TLR6: variants seen among roughly 807,000 people sequenced by gnomAD.
TLR6 encodes toll-like receptor 6.
Under a neutral mutation model 16.1 loss-of-function variants are expected in TLR6, and 9 were observed. The ratio of observed to expected loss-of-function variants is 0.56; its 90% confidence interval spans 0.34 to 0.98. The LOEUF is 0.98. Ranked by LOEUF, TLR6 falls within the 50% of genes least tolerant of loss-of-function variation. The probability of loss-of-function intolerance (pLI) is 0.02; values close to 1 mark genes in which losing one functional copy is unlikely to be tolerated. For synonymous variants in TLR6, 340 were observed against 338.6 expected, an observed-to-expected ratio of 1.00 and a Z score of -0.04; for missense variants, 786 against 921.0, an observed-to-expected ratio of 0.85 and a Z score of 1.90.
intron 1 of TLR6, among the ~76,000 whole-genome samples, chr4:38,847,853 G>A (rs1333774530): frequency 6.6e-6 from 1 of 152,186 alleles, no homozygotes; most frequent in Non-Finnish European, 1.5e-5. Context: ...CTCCACCTCT[G>A]GGGGCAGGGC....
chr4:38,831,555 G>A (rs535030666), intron 1 of TLR6, among the ~76,000 whole-genome samples: 1 of 152,282 alleles, frequency 6.6e-6, no homozygotes, highest in South Asian at 2.1e-4. Context: ...AAAAGACACT[G>A]CAAGAGAGTG....
At chr4:38,828,831 T>A (rs768988722) in exon 2 of TLR6, 1 of 1,614,108 alleles carries the variant, frequency 6.2e-7, no homozygotes. Context: ...TTAACTGATA[T>A]GTTCACTTGG....
chr4:38,862,067 T>C, the TLR6 span, among the ~76,000 whole-genome samples: 2 of 152,170 alleles, frequency 1.3e-5, no homozygotes, highest in Non-Finnish European at 2.9e-5. Flanking sequence ...GAGGAGCATT[T>C]CCACATCTTC....
chr4:38,836,017 A>G (rs1321892964), intron 1 of TLR6, among the ~76,000 whole-genome samples: 1 of 152,176 alleles, frequency 6.6e-6, no homozygotes, highest in Non-Finnish European at 1.5e-5. Flanking sequence ...TACATCAAAA[A>G]AGTAGAAAGA....
chr4:38,858,797 G>GGA (rs1713105236), upstream of TLR6, among the ~76,000 whole-genome samples: 1 of 77,230 alleles, frequency 1.3e-5, no homozygotes, highest in African/African-American at 4.9e-5. Flanking sequence ...GAGAGGGAGA[G>GGA]AGAGAGAGAG....
At chr4:38,824,434 G>A (rs73236630) in exon 2 of TLR6, 29,415 of 152,188 alleles carry the variant, frequency 0.19, 3,832 homozygotes, top group Non-Finnish European at 0.28. Context: ...AGGCCCCTCT[G>A]CCGAGGGGAT....
intron 1 of TLR6, among the ~76,000 whole-genome samples, chr4:38,855,069 G>A (rs55930442): frequency 0.15 from 22,338 of 151,898 alleles, 2,196 homozygotes; most frequent in Middle Eastern, 0.38. Context: ...AAAATTAGCC[G>A]GGCGTGGTGG....
intron 1 of TLR6, among the ~76,000 whole-genome samples, chr4:38,855,470 C>G (rs1002718189): frequency 7.9e-5 from 12 of 152,034 alleles, no homozygotes; most frequent in Non-Finnish European, 1.6e-4. Flanking sequence ...TAAGAGTTGT[C>G]TTTATAGCTG....
the TLR6 span, among the ~76,000 whole-genome samples, chr4:38,862,570 C>A: frequency 6.7e-6 from 1 of 149,056 alleles, no homozygotes; most frequent in Non-Finnish European, 1.5e-5. Flanking sequence ...CGTGTGCCAC[C>A]ACACCTGGCC....
At chr4:38,828,339 A>G in exon 2 of TLR6, 1 of 1,613,446 alleles carries the variant, frequency 6.2e-7, no homozygotes, top group Non-Finnish European at 8.5e-7. Context: ...AGTGTCTCCA[A>G]TTTAACTAAC....
chr4:38,850,063 G>A (rs1712702803), intron 1 of TLR6, among the ~76,000 whole-genome samples: 1 of 152,106 alleles, frequency 6.6e-6, no homozygotes, highest in Non-Finnish European at 1.5e-5. Context: ...CTAGAACTCA[G>A]GATTAAGAAA....
At chr4:38,844,672 A>G (rs80230721) in intron 1 of TLR6, among the ~76,000 whole-genome samples, 24,037 of 152,192 alleles carry the variant, frequency 0.16, 3,715 homozygotes, top group African/African-American at 0.38. Context: ...TAGGTCAAAT[A>G]CATACATCTT....
At chr4:38,828,288 C>G (rs1727650787) in exon 2 of TLR6, 1 of 1,613,534 alleles carries the variant, frequency 6.2e-7, no homozygotes, top group African/African-American at 1.3e-5. Flanking sequence ...GTCATGAGAC[C>G]TACTTTGAAA....
exon 2 of TLR6, chr4:38,828,813 C>A: frequency 1.9e-6 from 3 of 1,613,988 alleles, no homozygotes; most frequent in Non-Finnish European, 2.5e-6. Flanking sequence ...TGTAAGCACC[C>A]TAAAGTATTA....
intron 1 of TLR6, among the ~76,000 whole-genome samples, chr4:38,836,182 C>CA (rs1396355082): frequency 1.3e-5 from 2 of 151,674 alleles, no homozygotes; most frequent in Non-Finnish European, 2.9e-5. Context: ...ATCAATAAAA[C>CA]AAAAAAATTA....
upstream of TLR6, among the ~76,000 whole-genome samples, chr4:38,857,615 C>A (rs1172636803): frequency 6.6e-6 from 1 of 151,806 alleles, no homozygotes; most frequent in Non-Finnish European, 1.5e-5. Context: ...AACAATCATT[C>A]TATAATTTAT....
intron 1 of TLR6, among the ~76,000 whole-genome samples, chr4:38,832,998 G>A (rs1015206141): frequency 1.3e-5 from 2 of 151,966 alleles, no homozygotes; most frequent in African/African-American, 4.8e-5. Context: ...TGCTGCTAGT[G>A]CCTGCCTGCC....
intron 1 of TLR6, among the ~76,000 whole-genome samples, chr4:38,842,629 T>C (rs1046166539): frequency 5.3e-5 from 8 of 151,586 alleles, no homozygotes; most frequent in African/African-American, 2.0e-4. Flanking sequence ...TGAGCCCCCA[T>C]GGGGGGCAAA....
intron 1 of TLR6, among the ~76,000 whole-genome samples, chr4:38,848,304 A>G (rs952422197): frequency 1.2e-4 from 18 of 152,244 alleles, no homozygotes; most frequent in Non-Finnish European, 2.2e-4. Context: ...ATCAAAGACC[A>G]AAGGTGGATA....
Sources: allele counts gnomAD v4.1 joint callset (sites outside exome capture counted in the v4.1 genomes callset), GRCh38; gene constraint gnomAD v4.1.1; transcripts MANE v1.5; gene names NCBI Gene and HGNC (gene_info 2026-07-23, HGNC 2026-07-21).